Variants in DLEC1 observed in about 807,000 individuals in gnomAD.
The protein encoded by DLEC1 is DLEC1 cilia and flagella associated protein, also known as deleted in lung and esophageal cancer protein 1.
A neutral mutation model predicts 198.1 loss-of-function variants in DLEC1; 146 were observed. The observed-to-expected ratio is 0.74, with a 90% CI of 0.64 to 0.85. The LOEUF (loss-of-function observed/expected upper bound fraction) is 0.85, where lower values mean the gene tolerates loss of function less well. Ranked by LOEUF, DLEC1 falls within the 40% of genes least tolerant of loss-of-function variation. The pLI is 0.00. For missense variants in DLEC1, 2,233 were observed against 2,220.0 expected, an observed-to-expected ratio of 1.01 and a Z score of -0.12; for synonymous variants, 897 against 866.8, an observed-to-expected ratio of 1.03 and a Z score of -0.61.
chr3:38,041,443 C>T (rs1451280564), intron 1 of DLEC1, among the ~76,000 whole-genome samples: 1 of 152,090 alleles, frequency 6.6e-6, no homozygotes, highest in Non-Finnish European at 1.5e-5. Flanking sequence ...GTGCCTGGCC[C>T]ACATTATAAA....
At position 38,107,753 on chromosome 3, in the gene DLEC1, G is replaced by C; in HGVS notation, c.3018+16G>C. 1 of 1,611,704 alleles carries C rather than the reference G, an allele frequency of 6.2e-7. No individual in the cohort carries two copies. Among genetic ancestry groups the C allele is most frequent in the South Asian group, 1.1e-5 (1 of 90,794 alleles). On this transcript the variant is annotated intron_variant, in intron 20 of 36. Coordinates refer to ENST00000308059, the MANE Select transcript of DLEC1 (RefSeq NM_007335.4). ...CTGGGGCAAGGTGAGTGAGCCCACAGCATCAGGCAGCAGTCTGCAGCCCTC... is the reference window on the plus strand; with the variant it reads ...CTGGGGCAAGGTGAGTGAGCCCACACCATCAGGCAGCAGTCTGCAGCCCTC...
chr3:38,098,447 C>T (rs1699145152), intron 18 of DLEC1, among the ~76,000 whole-genome samples: 1 of 152,224 alleles, frequency 6.6e-6, no homozygotes, highest in African/African-American at 2.4e-5. Context: ...TATTTAAATG[C>T]AGTGGGCGAT....
At chr3:38,096,973 G>A (rs751547942) in intron 15 of DLEC1, among the ~76,000 whole-genome samples, 3 of 152,254 alleles carry the variant, frequency 2.0e-5, no homozygotes, top group Admixed American at 6.5e-5. Context: ...ACCTATTCCC[G>A]TCCTTGGCAG....
chr3:38,089,355 G>A (rs773175876), intron 10 of DLEC1, among the ~76,000 whole-genome samples: 1 of 152,226 alleles, frequency 6.6e-6, no homozygotes, highest in Non-Finnish European at 1.5e-5. Context: ...CCAAGTTGGA[G>A]TTCAACTGCC....
At chr3:38,103,149 AC>A (rs1178230824) in intron 19 of DLEC1, 2 of 152,102 alleles carry the variant, frequency 1.3e-5, no homozygotes, top group African/African-American at 4.8e-5. Flanking sequence ...CTATGCCCTC[AC>A]CCTTCCGAGT....
chr3:38,111,635 C>T (rs746839609), intron 23 of DLEC1, 42 bp from the exon 24 acceptor site: 5 of 1,599,034 alleles, frequency 3.1e-6, no homozygotes, highest in African/African-American at 1.3e-5. Flanking sequence ...TTGGGACAGG[C>T]TTGTCTGACT....
intron 6 of DLEC1, among the ~76,000 whole-genome samples, chr3:38,072,283 G>T (rs1376699262): frequency 6.7e-6 from 1 of 149,524 alleles, no homozygotes; most frequent in Non-Finnish European, 1.5e-5. Context: ...GAAGAAAATA[G>T]ATTTTGGAAA....
At chr3:38,097,443 C>G (rs905409533) in intron 16 of DLEC1, 64 bp from the exon 17 acceptor site, 2 of 1,601,556 alleles carry the variant, frequency 1.2e-6, no homozygotes, top group African/African-American at 1.3e-5. Context: ...ATGTCTGGGC[C>G]CAATCATAGG....
chr3:38,054,427 T>G lies in DLEC1; in HGVS notation c.563-5315T>G, dbSNP rs1696242239. Reference sequence around the variant, plus strand: ...CCTACAGTGTTTCACAGATGTTGACTGAAGACATGAGGTTCCTGGGTCCTT... The same window carrying G: ...CCTACAGTGTTTCACAGATGTTGACGGAAGACATGAGGTTCCTGGGTCCTT... On this transcript the variant is annotated intron_variant, in intron 2 of 36. Coordinates refer to ENST00000308059, the MANE Select transcript of DLEC1 (RefSeq NM_007335.4). 2.0e-5 allele frequency among the ~76,000 whole-genome samples: 3 copies of G among 152,208 alleles called. No individual in the cohort carries two copies. In the South Asian group the frequency reaches 6.2e-4, roughly 31 times the overall value.
intron 1 of DLEC1, among the ~76,000 whole-genome samples, chr3:38,045,155 T>C (rs1700825280): frequency 6.6e-6 from 1 of 152,198 alleles, no homozygotes; most frequent in Admixed American, 6.5e-5. Context: ...GCAGCTTAGG[T>C]AGACTGTGAA....
chr3:38,065,166 G>A (rs530172753), intron 6 of DLEC1, among the ~76,000 whole-genome samples: 107 of 152,246 alleles, frequency 7.0e-4, no homozygotes, highest in Non-Finnish European at 1.1e-3. Flanking sequence ...GCGAAACCCC[G>A]TCTCCACCAA....
At position 38,086,311 on chromosome 3, in the gene DLEC1, T is replaced by C. The variant is rs1461611625; in HGVS notation, c.1506T>C (p.Asn502=). 1.2e-6 allele frequency: 2 copies of C among 1,613,214 alleles called. No individual in the cohort carries two copies. Among genetic ancestry groups the C allele is most frequent in the Non-Finnish European group, 8.5e-7 (1 of 1,179,532 alleles). Reference sequence around the variant, plus strand: ...AGATGACCAGATTCATCTGCAAAAATGTGGGTTTCAGTGTTGGCAGGTTCT... The same window carrying C: ...AGATGACCAGATTCATCTGCAAAAACGTGGGTTTCAGTGTTGGCAGGTTCT... ...GVKMTRFICK[N]VGFSVGRFCI... Residue 502 remains asparagine (N), a synonymous_variant, in exon 9 of 37, where the codon AAT becomes AAC. Coordinates refer to ENST00000308059, the MANE Select transcript of DLEC1 (RefSeq NM_007335.4).
At chr3:38,120,189 A>G (rs1237560722) in intron 33 of DLEC1, among the ~76,000 whole-genome samples, 2 of 152,192 alleles carry the variant, frequency 1.3e-5, no homozygotes, top group Non-Finnish European at 2.9e-5. Flanking sequence ...TGAAGCTGTA[A>G]AGGGCAACTT....
chr3:38,082,469 G>A (rs926343328), intron 6 of DLEC1, among the ~76,000 whole-genome samples: 15 of 152,072 alleles, frequency 9.9e-5, no homozygotes, highest in Non-Finnish European at 1.8e-4. Flanking sequence ...CTCGGGCCCC[G>A]CGGGGCCCGT....
chr3:38,045,535 C>T lies in DLEC1; in HGVS notation c.412-8C>T, dbSNP rs775050978. 6.2e-7 allele frequency: 1 copy of T among 1,611,062 alleles called. No homozygotes were observed. The highest frequency in any genetic ancestry group is 1.3e-5 in the African/African-American group (1 of 74,850). On this transcript the variant is annotated splice_polypyrimidine_tract_variant and splice_region_variant and intron_variant, in intron 1 of 36. Coordinates refer to ENST00000308059, the MANE Select transcript of DLEC1 (RefSeq NM_007335.4). ...ATATTTCTGTGCATTTGATCATCCC[C>T]CTGCCAGATTCGGGAGCTCTATAAG...
Position 38,116,845 on chromosome 3 carries a change from G to T in DLEC1, c.4135G>T (p.Gly1379Trp). 1.2e-6 allele frequency: 2 copies of T among 1,613,792 alleles called. No individual in the cohort carries two copies. The highest frequency in any genetic ancestry group is 4.5e-5 in the East Asian group (2 of 44,870). Residue 1379 changes from glycine to tryptophan, a missense_variant, in exon 29 of 37, where the codon GGG (glycine) becomes TGG (tryptophan). By Grantham distance (184) the Gly-to-Trp change is radical. Coordinates refer to ENST00000308059, the MANE Select transcript of DLEC1 (RefSeq NM_007335.4). ...LISVILQAHE[G>W]VPSGHLYCIS... ...CTCAGTCATCCTGCAGGCACATGAG[G>T]GGGTGCCCTCCGGCCACCTGTACTG...
intron 2 of DLEC1, among the ~76,000 whole-genome samples, chr3:38,054,701 T>C (rs1376996275): frequency 6.6e-6 from 1 of 152,218 alleles, no homozygotes; most frequent in Non-Finnish European, 1.5e-5. Context: ...GTTAAAAGAA[T>C]GGTGTTCTTT....
intron 4 of DLEC1, 75 bp from the exon 5 acceptor site, chr3:38,062,506 A>G (rs1399008766): frequency 5.7e-6 from 9 of 1,583,262 alleles, no homozygotes; most frequent in Non-Finnish European, 7.8e-6. Flanking sequence ...TCTATGGGTC[A>G]TGCAGTTGGT....
intron 5 of DLEC1, among the ~76,000 whole-genome samples, chr3:38,063,141 A>G (rs185945915): frequency 4.8e-4 from 73 of 152,376 alleles, no homozygotes; most frequent in Non-Finnish European, 8.8e-5. Context: ...ATTATAAATA[A>G]TTAGTGTAAA....
Sources: gnomAD v4.1 joint callset for allele counts (sites outside exome capture counted in the v4.1 genomes callset) on GRCh38, gnomAD v4.1.1 for gene constraint, MANE v1.5 for transcripts, NCBI Gene and HGNC (gene_info 2026-07-23, HGNC 2026-07-21) for gene names.